AGMAT: variants seen among roughly 807,000 people sequenced by gnomAD.
AGMAT encodes guanidino acid hydrolase, mitochondrial.
AGMAT carries 37 observed loss-of-function variants against 29.3 expected under a neutral mutation model. The ratio of observed to expected loss-of-function variants is 1.26; its 90% confidence interval spans 0.97 to 1.66. The LOEUF is 1.66. AGMAT is among the 40% of genes most tolerant of loss of function. AGMAT has a pLI of 0.00. For missense variants in AGMAT, 498 were observed against 497.8 expected, an observed-to-expected ratio of 1.00 and a Z score of 0.00; for synonymous variants, 199 against 200.8, an observed-to-expected ratio of 0.99 and a Z score of 0.08.
Position 15,576,740 on chromosome 1 carries a change from CTTTTTT to C in AGMAT, c.900+939_900+944del, listed in dbSNP as rs59203066. On this transcript the variant is annotated intron_variant, in intron 5 of 6. Transcript: ENST00000375826. ...ACGACACCTGGCCAAGTTTAGTGTT[CTTTTTT>C]TTTTTTTTTTTTTTTTTTTTTGAGA... 2.8e-4 allele frequency among the ~76,000 whole-genome samples: 10 copies of C among 35,798 alleles called. 1 individual carries two copies. Among genetic ancestry groups the C allele is most frequent in the Admixed American group, 1.5e-3 (3 of 1,986 alleles). 23.5% of individuals were successfully genotyped at this position (35,798 alleles called of 152,430 possible).
chr1:15,572,268 C>A lies in AGMAT; in HGVS notation c.*1383G>T, dbSNP rs993333910. The A allele has an allele frequency of 6.6e-6, 1 of 150,482 alleles. No homozygotes were observed. Among genetic ancestry groups the A allele is most frequent in the African/African-American group, 2.4e-5 (1 of 40,852 alleles). 9.3% of individuals were successfully genotyped at this position (150,482 alleles called of 1,614,324 possible). ...TAGAGACGGGGTTTCACCATGTTGGCCAGGCTGGTCTTGAACTCCTGACCT... is the reference window on the plus strand; with the variant it reads ...TAGAGACGGGGTTTCACCATGTTGGACAGGCTGGTCTTGAACTCCTGACCT... On this transcript the variant is annotated 3_prime_UTR_variant, in exon 7 of 7. Coordinates refer to ENST00000375826, the MANE Select transcript of AGMAT (RefSeq NM_024758.5).
intron 1 of AGMAT, among the ~76,000 whole-genome samples, chr1:15,584,065 A>T (rs1048893801): frequency 6.6e-5 from 10 of 152,156 alleles, no homozygotes; most frequent in African/African-American, 2.4e-4. Context: ...TGGGGAGAGG[A>T]GAGGGGAGGA....
At position 15,572,014 on chromosome 1, in the gene AGMAT, G is replaced by T. The variant is rs577739659; in HGVS notation, c.*1637C>A. On this transcript the variant is annotated 3_prime_UTR_variant, in exon 7 of 7. Transcript: ENST00000375826. ...ACAAAAATTAGCCGGGCGTGGTGAC[G>T]CATGACTGTAATTCTAGCTACTCAG... Among the ~76,000 whole-genome samples, 3 of 151,906 alleles carry T rather than the reference G, an allele frequency of 2.0e-5. No individual in the cohort carries two copies. Among genetic ancestry groups the T allele is most frequent in the East Asian group, 3.9e-4 (2 of 5,112 alleles).
In AGMAT at chr1:15,577,783, C is replaced by G. The variant is rs1449683297; in HGVS notation, c.802G>C (p.Gly268Arg). 1.5e-5 allele frequency: 24 copies of G among 1,614,068 alleles called. No individual in the cohort carries two copies. In the East Asian group the frequency reaches 5.1e-4, roughly 34 times the overall value. The change falls in exon 5 of 7, where the codon GGC becomes CGC. Residue 268 changes from glycine (G) to arginine (R), a missense_variant. Physicochemically the swap from Gly to Arg is moderately radical, Grantham distance 125. Transcript: ENST00000375826. ...TCAAAGCTGATATAAATGGGTTTGC[C>G]TCCCATCTGCTGCCTGACTTCCCCC... ...LMGEVRQQMG[G>R]KPIYISFDID...
In AGMAT at chr1:15,573,616, C is replaced by T. The variant is rs373488895; in HGVS notation, c.*35G>A. 5 of 1,596,998 alleles carry T rather than the reference C, an allele frequency of 3.1e-6. No individual in the cohort carries two copies. Among genetic ancestry groups the T allele is most frequent in the South Asian group, 1.1e-5 (1 of 90,650 alleles). On this transcript the variant is annotated 3_prime_UTR_variant, in exon 7 of 7. Coordinates refer to ENST00000375826, the MANE Select transcript of AGMAT (RefSeq NM_024758.5). ...TAAGTTCTTCTTGAGAACTTGTCAG[C>T]GACGCAATCTGTTTTGTCTTGAAGA... is the stretch of plus-strand genomic sequence containing the variant.
At chr1:15,576,716 C>T (rs1174682057) in intron 5 of AGMAT, among the ~76,000 whole-genome samples, 1 of 132,864 alleles carries the variant, frequency 7.5e-6, no homozygotes, top group Admixed American at 8.8e-5. Flanking sequence ...GCGTGAGCCA[C>T]GACACCTGGC....
At position 15,584,917 on chromosome 1, in the gene AGMAT, C is replaced by A; in HGVS notation, c.51G>T (p.Val17=). The A allele has an allele frequency of 7.2e-7, 1 of 1,381,484 alleles. No homozygotes were observed. Among genetic ancestry groups the A allele is most frequent in the Non-Finnish European group, 9.3e-7 (1 of 1,075,978 alleles). The allele number at this position is 1,381,484 out of a possible 1,614,324, so 85.6% of individuals were successfully genotyped here. A position where few individuals can be genotyped will look rare whatever the true frequency, so the allele number is the denominator to read the frequency against. ...SGCARGPGPG[V]GARPAAGLFH... ...AGAGCCCTGCGGCAGGACGCGCGCC[C>A]ACGCCGGGCCCCGGGCCCCGGGCGC... Residue 17 remains valine (V), a synonymous_variant, in exon 1 of 7, where the codon GTG becomes GTT. Coordinates refer to ENST00000375826, the MANE Select transcript of AGMAT (RefSeq NM_024758.5).
intron 5 of AGMAT, chr1:15,575,535 A>C (rs1003640848): frequency 1.3e-5 from 2 of 152,248 alleles, no homozygotes; most frequent in African/African-American, 4.8e-5. Context: ...AGTGCCTACT[A>C]TTTGTATTAG....
intron 2 of AGMAT, among the ~76,000 whole-genome samples, chr1:15,581,230 C>A (rs1038182268): frequency 6.6e-6 from 1 of 151,964 alleles, no homozygotes; most frequent in African/African-American, 2.4e-5. Context: ...CGCCTGTAGA[C>A]CCAGCTACTC....
intron 4 of AGMAT, 144 bp downstream of exon 4, chr1:15,578,715 G>T: frequency 1.1e-6 from 1 of 902,650 alleles, no homozygotes; most frequent in Non-Finnish European, 1.7e-6. Flanking sequence ...TGCTCCTTAT[G>T]CCCCTGATGA....
chr1:15,575,214 C>T (rs879400261), intron 5 of AGMAT: 13 of 168,098 alleles, frequency 7.7e-5, no homozygotes, highest in Admixed American at 5.3e-4. Flanking sequence ...GAGGGAAAAA[C>T]ACAGGCAAAG....
chr1:15,584,467 A>G (rs1011346856), intron 1 of AGMAT, among the ~76,000 whole-genome samples: 4 of 152,082 alleles, frequency 2.6e-5, no homozygotes, highest in African/African-American at 9.7e-5. Flanking sequence ...TTCTTGACCA[A>G]TGATGACACT....
rs771019318 is a variant in AGMAT, at chr1:15,580,101, C to T, written c.517G>A (p.Ala173Thr). 2 of 1,613,776 alleles carry T rather than the reference C, an allele frequency of 1.2e-6. No individual in the cohort carries two copies. Among genetic ancestry groups the T allele is most frequent in the East Asian group, 4.5e-5 (2 of 44,872 alleles). ...TITYPILQAMAKKHGPVGLLH... is the reference protein window; with the variant it reads ...TITYPILQAMTKKHGPVGLLH... ...AAGCCATTTGAGACTTACTTTTTTG[C>T]CATCGCTTGCAATATGGGATATGTG... The change falls in exon 3 of 7, where the codon GCA (alanine) becomes ACA (threonine). Residue 173 changes from alanine (A) to threonine (T), a missense_variant. Transcript: ENST00000375826.
At chr1:15,584,436 C>T (rs1045609137) in intron 1 of AGMAT, among the ~76,000 whole-genome samples, 20 of 152,312 alleles carry the variant, frequency 1.3e-4, no homozygotes, top group African/African-American at 4.1e-4. Context: ...AGGCATGAGC[C>T]ACCGGGCCGG....
At chr1:15,574,618 G>A (rs1034888090) in intron 6 of AGMAT, 139 bp downstream of exon 6, 10 of 662,360 alleles carry the variant, frequency 1.5e-5, no homozygotes, top group African/African-American at 1.4e-4. Flanking sequence ...CCTCAGGTGA[G>A]CTGCCCACCT....
At chr1:15,580,502 G>T (rs1355293766) in intron 2 of AGMAT, among the ~76,000 whole-genome samples, 2 of 151,698 alleles carry the variant, frequency 1.3e-5, no homozygotes, top group African/African-American at 4.8e-5. Flanking sequence ...ACCATGCCCA[G>T]CTGAATAATC....
rs866938016 is a variant in AGMAT at position 15,572,353 on chromosome 1, T to A, written c.*1298A>T. 2 of 29,202 alleles carry A rather than the reference T, an allele frequency of 6.8e-5. No homozygotes were observed. The highest frequency in any genetic ancestry group is 3.8e-4 in the African/African-American group (2 of 5,216). The allele number at this position is 29,202 out of a possible 1,614,324, so 1.8% of individuals were successfully genotyped here. ...GCGTGAGCCACTGGGTCCGGCCTGC[T>A]TTTTTTTTTTTTTTTTTTTTTTTGG... On this transcript the variant is annotated 3_prime_UTR_variant, in exon 7 of 7. Transcript: ENST00000375826.
intron 2 of AGMAT, among the ~76,000 whole-genome samples, chr1:15,582,533 T>C (rs1639129995): frequency 6.6e-6 from 1 of 152,192 alleles, no homozygotes; most frequent in Non-Finnish European, 1.5e-5. Flanking sequence ...CAAAAATGAA[T>C]TTGGATATTT....
In AGMAT at chr1:15,573,361, T is replaced by C; in HGVS notation, c.*290A>G. 3.1e-6 allele frequency: 1 copy of C among 321,172 alleles called. No individual in the cohort carries two copies. The highest frequency in any genetic ancestry group is 5.8e-6 in the Non-Finnish European group (1 of 171,072). The allele number at this position is 321,172 out of a possible 1,614,324, so 19.9% of individuals were successfully genotyped here. A position where few individuals can be genotyped will look rare whatever the true frequency, so the allele number is the denominator to read the frequency against. On this transcript the variant is annotated 3_prime_UTR_variant, in exon 7 of 7. Transcript: ENST00000375826. ...CATGTTTCTAATGTTTAGATAATCT[T>C]GAAAGAAATTCTCCTCACTTCCCCT...
Sources: allele counts gnomAD v4.1 joint callset (sites outside exome capture counted in the v4.1 genomes callset), GRCh38; gene constraint gnomAD v4.1.1; transcripts MANE v1.5; gene names NCBI Gene and HGNC (gene_info 2026-07-23, HGNC 2026-07-21).